Variants in CEP41 observed in about 807,000 individuals in gnomAD.
CEP41 encodes centrosomal protein 41, also known as centrosomal protein of 41 kDa.
In CEP41, 32 loss-of-function variants were observed where a neutral mutation model predicts 44.3. The ratio of observed to expected loss-of-function variants is 0.72; its 90% CI spans 0.54 to 0.97. CEP41 has a LOEUF of 0.97. Ranked by LOEUF, CEP41 falls within the 50% of genes least tolerant of loss-of-function variation. The pLI is 0.00. For missense variants in CEP41, 432 were observed against 455.2 expected (o/e 0.95, Z 0.46); for synonymous variants, 151 against 168.5 (o/e 0.90, Z 0.80).
chr7:130,437,764 CAAAAAAAA>C lies in CEP41; in HGVS notation c.33+3162_33+3169del, dbSNP rs1171735164. On this transcript the variant is annotated intron_variant, in intron 1 of 10. Transcript: ENST00000223208. ...CCTGGGTGACAAAGCAAGACTGTCT[CAAAAAAAA>C]AAAAAAAAAAAAAAAAGAAAAAGAA... 9.4e-3 allele frequency among the ~76,000 whole-genome samples: 306 copies of C among 32,402 alleles called. 2 individuals are homozygous for C. Among genetic ancestry groups the C allele is most frequent in the African/African-American group, 0.035 (291 of 8,338 alleles). 21.3% of individuals were successfully genotyped at this position (32,402 alleles called of 152,430 possible). A position where few individuals can be genotyped will look rare whatever the true frequency, so the allele number is the denominator to read the frequency against.
intron 3 of CEP41, among the ~76,000 whole-genome samples, chr7:130,414,732 C>T (rs1797283594): frequency 6.6e-6 from 1 of 152,188 alleles, no homozygotes; most frequent in Non-Finnish European, 1.5e-5. Context: ...GACATGATTA[C>T]TCAGAGATAA....
intron 5 of CEP41, among the ~76,000 whole-genome samples, chr7:130,405,260 A>G (rs1311749787): frequency 6.6e-6 from 1 of 152,236 alleles, no homozygotes; most frequent in East Asian, 1.9e-4. Context: ...AAGGAAAAGT[A>G]TTAGTGTGAT....
At chr7:130,435,400 C>G (rs1311668706) in intron 1 of CEP41, among the ~76,000 whole-genome samples, 1 of 151,820 alleles carries the variant, frequency 6.6e-6, no homozygotes. Context: ...AACAAAAACT[C>G]AACAGTTAAG....
intron 3 of CEP41, 131 bp downstream of exon 3, chr7:130,416,788 C>T: frequency 2.5e-6 from 2 of 784,966 alleles, no homozygotes; most frequent in South Asian, 1.4e-5. Context: ...CCTTGAGGCA[C>T]CTGCTAGGCT....
chr7:130,428,866 G>A (rs535230233), intron 1 of CEP41, among the ~76,000 whole-genome samples: 5 of 150,168 alleles, frequency 3.3e-5, no homozygotes, highest in African/African-American at 9.8e-5. Context: ...AGCGGAGATC[G>A]TGCCACTGCA....
chr7:130,411,344 C>T (rs1468945926), intron 4 of CEP41, among the ~76,000 whole-genome samples, 153 bp from the exon 5 acceptor site: 1 of 152,184 alleles, frequency 6.6e-6, no homozygotes, highest in Non-Finnish European at 1.5e-5. Flanking sequence ...AATCTCAGGC[C>T]TCCTTCCTTT....
intron 9 of CEP41, chr7:130,400,485 A>G (rs1796809566): frequency 4.7e-6 from 3 of 639,180 alleles, no homozygotes; most frequent in Non-Finnish European, 8.4e-6. Flanking sequence ...AGTCTTCAGC[A>G]TTAGGGCTTT....
Position 130,396,780 on chromosome 7 carries a change from T to C in CEP41, c.*2111A>G, listed in dbSNP as rs180725211. On this transcript the variant is annotated 3_prime_UTR_variant, in exon 11 of 11. Coordinates refer to ENST00000223208, the MANE Select transcript of CEP41 (RefSeq NM_018718.3). Reference sequence around the variant, plus strand: ...GGGCAAAGCAAGCACTGTGGAGAAATACACATAAATATATCCAACCTGCCA... The same window carrying C: ...GGGCAAAGCAAGCACTGTGGAGAAACACACATAAATATATCCAACCTGCCA... The C allele has an allele frequency of 1.2e-4, 55 of 454,152 alleles. No homozygotes were observed. The highest frequency in any genetic ancestry group is 2.1e-4 in the Non-Finnish European group (47 of 226,770). The allele number at this position is 454,152 out of a possible 1,614,324, so 28.1% of individuals were successfully genotyped here.
At chr7:130,419,107 G>A in intron 2 of CEP41, 1 of 985,432 alleles carries the variant, frequency 1.0e-6, no homozygotes, top group South Asian at 4.7e-5. Context: ...CCACAATGCA[G>A]GGAGGTAGGC....
At chr7:130,411,351 C>T (rs1183124491) in intron 4 of CEP41, among the ~76,000 whole-genome samples, 160 bp from the exon 5 acceptor site, 3 of 152,186 alleles carry the variant, frequency 2.0e-5, no homozygotes, top group African/African-American at 7.2e-5. Context: ...GGCCTCCTTC[C>T]TTTTGTGTTG....
intron 2 of CEP41, among the ~76,000 whole-genome samples, chr7:130,425,505 A>C (rs782153637): frequency 6.6e-6 from 1 of 152,244 alleles, no homozygotes; most frequent in Non-Finnish European, 1.5e-5. Flanking sequence ...ACAACACCAA[A>C]TGCTGACAAG....
chr7:130,438,198 C>A (rs1277812802), intron 1 of CEP41, among the ~76,000 whole-genome samples: 1 of 152,170 alleles, frequency 6.6e-6, no homozygotes, highest in Non-Finnish European at 1.5e-5. Flanking sequence ...GATGATTTTG[C>A]CCCCGTAAAT....
Position 130,432,588 on chromosome 7 carries a change from CAAAAAAAAAAA to C in CEP41, c.34-4581_34-4571del, listed in dbSNP as rs56874452. Reference sequence around the variant, plus strand: ...GCAACACAGGGAAACTTTGTTTCCACAAAAAAAAAAAAAAAAAAAAAAAAATTAGCTGGGCA... The same window carrying C: ...GCAACACAGGGAAACTTTGTTTCCACAAAAAAAAAAAAAATTAGCTGGGCA... On this transcript the variant is annotated intron_variant, in intron 1 of 10. Coordinates refer to ENST00000223208, the MANE Select transcript of CEP41 (RefSeq NM_018718.3). Among the ~76,000 whole-genome samples, 10 of 59,930 alleles carry C rather than the reference CAAAAAAAAAAA, an allele frequency of 1.7e-4. No homozygotes were observed. In the East Asian group the frequency reaches 3.8e-3, roughly 23 times the overall value. 39.3% of individuals were successfully genotyped at this position (59,930 alleles called of 152,430 possible).
At chr7:130,439,260 A>G (rs1798067349) in intron 1 of CEP41, among the ~76,000 whole-genome samples, 1 of 152,242 alleles carries the variant, frequency 6.6e-6, no homozygotes, top group African/African-American at 2.4e-5. Context: ...AGAATTCAGT[A>G]CATAATACAT....
upstream of CEP41, chr7:130,441,320 G>A (rs1031720354): frequency 1.1e-5 from 5 of 447,844 alleles, no homozygotes; most frequent in African/African-American, 2.0e-5. Context: ...TGAGAGCCGG[G>A]ACAAAACACG....
chr7:130,417,033 A>T, intron 2 of CEP41, 67 bp from the exon 3 acceptor site: 7 of 1,386,478 alleles, frequency 5.0e-6, no homozygotes, highest in Non-Finnish European at 7.1e-6. Flanking sequence ...CTGTGGAAAC[A>T]GAATGGAGGA....
intron 2 of CEP41, among the ~76,000 whole-genome samples, chr7:130,423,716 C>T (rs1186846114): frequency 6.6e-6 from 1 of 152,174 alleles, no homozygotes; most frequent in Non-Finnish European, 1.5e-5. Context: ...ACCCGAATGT[C>T]CATCAACTGA....
chr7:130,429,732 C>G (rs568135445), intron 1 of CEP41, among the ~76,000 whole-genome samples: 9 of 152,314 alleles, frequency 5.9e-5, no homozygotes, highest in African/African-American at 2.2e-4. Flanking sequence ...CTCTGTAAAG[C>G]TGTCCAGTAC....
chr7:130,435,223 A>G (rs1490941293), intron 1 of CEP41, among the ~76,000 whole-genome samples: 5 of 152,208 alleles, frequency 3.3e-5, no homozygotes, highest in African/African-American at 1.2e-4. Flanking sequence ...AACATAGTAC[A>G]TAGTGATATA....
Sources: allele counts gnomAD v4.1 joint callset (sites outside exome capture counted in the v4.1 genomes callset), GRCh38; gene constraint gnomAD v4.1.1; transcripts MANE v1.5; gene names NCBI Gene and HGNC (gene_info 2026-07-23, HGNC 2026-07-21).